Variants in FAM227B observed in about 807,000 individuals in gnomAD.
FAM227B encodes the protein family with sequence similarity 227 member B.
In FAM227B, 88 loss-of-function variants were observed where a neutral mutation model predicts 73.8. The ratio of observed to expected loss-of-function variants is 1.19; its 90% CI spans 1.00 to 1.42. The LOEUF (loss-of-function observed/expected upper bound fraction) is 1.42, where lower values mean the gene tolerates loss of function less well. Among genes scored for constraint, FAM227B ranks in the 40% most tolerant of loss-of-function variants. The probability of loss-of-function intolerance (pLI) is 0.00; values close to 1 mark genes in which losing one functional copy is unlikely to be tolerated. For missense variants in FAM227B, 632 were observed against 590.9 expected (o/e 1.07, Z -0.72); for synonymous variants, 210 against 190.5 (o/e 1.10, Z -0.84).
chr15:49,538,644 A>G (rs1411987238), intron 10 of FAM227B, among the ~76,000 whole-genome samples: 1 of 152,038 alleles, frequency 6.6e-6, no homozygotes, highest in African/African-American at 2.4e-5. Context: ...GACTTTCTTC[A>G]TTCTTTTTTC....
intron 11 of FAM227B, among the ~76,000 whole-genome samples, chr15:49,464,056 C>T (rs550711777): frequency 2.0e-5 from 3 of 152,148 alleles, no homozygotes; most frequent in East Asian, 1.9e-4. Flanking sequence ...TTTCCATCCC[C>T]AAACACCTGC....
chr15:49,510,172 C>T (rs2058881945), intron 10 of FAM227B, among the ~76,000 whole-genome samples: 1 of 152,092 alleles, frequency 6.6e-6, no homozygotes, highest in Non-Finnish European at 1.5e-5. Flanking sequence ...TTTCACCATC[C>T]TATCCCATTA....
intron 11 of FAM227B, among the ~76,000 whole-genome samples, chr15:49,498,292 A>T (rs2057803189): frequency 6.6e-6 from 1 of 152,196 alleles, no homozygotes; most frequent in Admixed American, 6.5e-5. Flanking sequence ...AAATTACTTA[A>T]TCAACTTATA....
chr15:49,597,899 A>G (rs547910718), intron 3 of FAM227B, among the ~76,000 whole-genome samples: 1 of 152,162 alleles, frequency 6.6e-6, no homozygotes, highest in East Asian at 1.9e-4. Flanking sequence ...CTGGAAATAT[A>G]CAACACTCAT....
chr15:49,366,418 C>A, intron 13 of FAM227B: 1 of 865,918 alleles, frequency 1.2e-6, no homozygotes, highest in South Asian at 1.3e-5. Flanking sequence ...CCCATTGCAC[C>A]ACAACTGCTT....
chr15:49,331,496 T>C (rs547312215), intron 15 of FAM227B: 1 of 348,100 alleles, frequency 2.9e-6, no homozygotes, highest in East Asian at 5.4e-5. Context: ...ATTTTAAACA[T>C]CAGTGATTAT....
intron 11 of FAM227B, among the ~76,000 whole-genome samples, chr15:49,374,688 G>A (rs1362104711): frequency 6.6e-6 from 1 of 152,128 alleles, no homozygotes; most frequent in East Asian, 1.9e-4. Flanking sequence ...GATTACAGGT[G>A]TTCACCACCA....
intron 5 of FAM227B, among the ~76,000 whole-genome samples, chr15:49,587,795 CT>C (rs768385766): frequency 4.6e-5 from 7 of 152,014 alleles, no homozygotes; most frequent in Non-Finnish European, 7.4e-5. Flanking sequence ...TGAAATAAGT[CT>C]TCAAATAACT....
chr15:49,375,111 A>C (rs908367631), intron 11 of FAM227B, among the ~76,000 whole-genome samples: 1 of 152,188 alleles, frequency 6.6e-6, no homozygotes, highest in Non-Finnish European at 1.5e-5. Context: ...TCTAAATTAG[A>C]ATTGCTTCTC....
intron 11 of FAM227B, among the ~76,000 whole-genome samples, chr15:49,461,135 C>T (rs2151927821): frequency 6.6e-6 from 1 of 152,298 alleles, no homozygotes; most frequent in East Asian, 1.9e-4. Flanking sequence ...TGAACTTCTT[C>T]TTCCTATCTG....
Position 49,402,624 on chromosome 15 carries a change from C to T in FAM227B, c.1013-31225G>A, listed in dbSNP as rs568302829. Among the ~76,000 whole-genome samples the T allele has an allele frequency of 5.9e-5, 9 of 152,232 alleles. 1 individual carries two copies. The highest frequency in any genetic ancestry group is 2.2e-4 in the African/African-American group (9 of 41,538). On this transcript the variant is annotated intron_variant, in intron 11 of 15. Coordinates refer to ENST00000299338, the MANE Select transcript of FAM227B (RefSeq NM_152647.3). ...TATAGGAATGATAGCAATTTTTGCA[C>T]ATTGATTTTGTATCCTGGGACTTTG...
At chr15:49,596,887 T>A (rs772712244) in intron 3 of FAM227B, among the ~76,000 whole-genome samples, 39 of 152,096 alleles carry the variant, frequency 2.6e-4, no homozygotes, top group Non-Finnish European at 2.4e-4. Context: ...GGACATTATA[T>A]AATGATGAAA....
intron 11 of FAM227B, among the ~76,000 whole-genome samples, chr15:49,428,813 T>TAGCAAGAAA (rs1300072745): frequency 1.3e-5 from 2 of 152,002 alleles, no homozygotes; most frequent in African/African-American, 4.8e-5. Flanking sequence ...GTTAGTTCCA[T>TAGCAAGAAA]AGCAAGAAAA....
At chr15:49,576,291 C>T (rs1476503584) in intron 7 of FAM227B, 1 of 152,766 alleles carries the variant, frequency 6.5e-6, no homozygotes, top group African/African-American at 2.4e-5. Context: ...ATCTAATTAC[C>T]TCCCAACACC....
intron 11 of FAM227B, among the ~76,000 whole-genome samples, chr15:49,449,313 T>A (rs993104944): frequency 2.6e-5 from 4 of 152,040 alleles, no homozygotes; most frequent in Non-Finnish European, 5.9e-5. Context: ...AATCAGTAAA[T>A]GTTTTTTACT....
chr15:49,354,519 G>A (rs2042767252), intron 13 of FAM227B, among the ~76,000 whole-genome samples: 1 of 152,224 alleles, frequency 6.6e-6, no homozygotes, highest in Admixed American at 6.5e-5. Context: ...ACTCCCACCT[G>A]AATACTGCAC....
chr15:49,403,011 C>CT (rs902022400), intron 11 of FAM227B, among the ~76,000 whole-genome samples: 3 of 151,972 alleles, frequency 2.0e-5, no homozygotes, highest in African/African-American at 4.8e-5. Context: ...TATTGAAGGC[C>CT]TTTTTTCTGC....
At chr15:49,421,931 G>GAAC (rs1452884597) in intron 11 of FAM227B, among the ~76,000 whole-genome samples, 2 of 152,114 alleles carry the variant, frequency 1.3e-5, no homozygotes, top group African/African-American at 4.8e-5. Flanking sequence ...AATAAATGTG[G>GAAC]AACATTCAAC....
At position 49,603,251 on chromosome 15, in the gene FAM227B, A is replaced by G. The variant is rs145387434; in HGVS notation, c.105+7964T>C. Among the ~76,000 whole-genome samples the G allele has an allele frequency of 1.3e-3, 199 of 152,284 alleles. 3 individuals are homozygous for G. The East Asian group carries it at 0.035, about 26-fold the overall frequency. ...CTTTGGGTAGTTTGGACATTTTAAC[A>G]ATATTGATTATTCCAATCCATAAAC... is the stretch of plus-strand genomic sequence containing the variant. On this transcript the variant is annotated intron_variant, in intron 3 of 15. Transcript: ENST00000299338.
Sources: allele counts gnomAD v4.1 joint callset (sites outside exome capture counted in the v4.1 genomes callset), GRCh38; gene constraint gnomAD v4.1.1; transcripts MANE v1.5; gene names NCBI Gene and HGNC (gene_info 2026-07-23, HGNC 2026-07-21).